ZMIZ1: variants seen among roughly 807,000 people sequenced by gnomAD.
The protein encoded by ZMIZ1 is zinc finger MIZ-type containing 1.
ZMIZ1 carries 17 observed loss-of-function variants against 113.9 expected under a neutral mutation model. That is an observed-to-expected ratio of 0.15 (90% CI 0.10 to 0.22). ZMIZ1 has a LOEUF of 0.22. ZMIZ1 is among the 10% of genes least tolerant of loss of function. The pLI, the probability that ZMIZ1 is intolerant of heterozygous loss-of-function variation, is 1.00. For missense variants in ZMIZ1, 1,059 were observed against 1,477.8 expected (o/e 0.72, Z 4.65); for synonymous variants, 607 against 603.1 (o/e 1.01, Z -0.09).
At chr10:79,309,358 G>A (rs1220389584) in intron 23 of ZMIZ1, among the ~76,000 whole-genome samples, 5 of 152,222 alleles carry the variant, frequency 3.3e-5, no homozygotes, top group Non-Finnish European at 7.3e-5. Flanking sequence ...CACAGCTGGA[G>A]TGTGGAGCCC....
At position 79,309,582 on chromosome 10, in the gene ZMIZ1, G is replaced by A. The variant is rs1350194552; in HGVS notation, c.2836-1342G>A. Among the ~76,000 whole-genome samples, 3 of 152,212 alleles carry A rather than the reference G, an allele frequency of 2.0e-5. No homozygotes were observed. In the South Asian group the frequency reaches 6.2e-4, roughly 31 times the overall value. On this transcript the variant is annotated intron_variant, in intron 23 of 24. Transcript: ENST00000334512. ...CACTGTGCTCCCTAAGGCCGCATGG[G>A]GTTGGGGCCCTACACCCTGAGAAGG...
intron 2 of ZMIZ1, among the ~76,000 whole-genome samples, chr10:79,123,192 C>T (rs1040502106): frequency 6.6e-6 from 1 of 152,178 alleles, no homozygotes; most frequent in Admixed American, 6.5e-5. Flanking sequence ...TTCCATATGG[C>T]TGGCACTTCA....
intron 8 of ZMIZ1, among the ~76,000 whole-genome samples, chr10:79,282,673 G>T (rs1852815074): frequency 6.6e-6 from 1 of 152,230 alleles, no homozygotes. Context: ...CTGCTGATGG[G>T]GGACATGGTG....
At chr10:79,167,652 G>T (rs1846414513) in intron 4 of ZMIZ1, among the ~76,000 whole-genome samples, 1 of 152,176 alleles carries the variant, frequency 6.6e-6, no homozygotes, top group South Asian at 2.1e-4. Context: ...TTCAGTGCTT[G>T]AGGCTGCCCT....
At chr10:79,137,915 T>C (rs980628415) in intron 2 of ZMIZ1, among the ~76,000 whole-genome samples, 1 of 152,012 alleles carries the variant, frequency 6.6e-6, no homozygotes, top group Non-Finnish European at 1.5e-5. Flanking sequence ...GACAGGGACA[T>C]TTATAACTCA....
intron 8 of ZMIZ1, among the ~76,000 whole-genome samples, chr10:79,280,089 G>A (rs1235886418): frequency 6.6e-6 from 1 of 151,600 alleles, no homozygotes; most frequent in Non-Finnish European, 1.5e-5. Context: ...CTGGGCTCAA[G>A]TGATCCTCCC....
chr10:79,242,684 C>A (rs1462165515), intron 7 of ZMIZ1, among the ~76,000 whole-genome samples: 11 of 152,008 alleles, frequency 7.2e-5, no homozygotes. Flanking sequence ...CGAAGTCATC[C>A]ACCGCCAGCG....
chr10:79,292,665 C>A, intron 11 of ZMIZ1: 1 of 493,212 alleles, frequency 2.0e-6, no homozygotes, highest in Non-Finnish European at 3.9e-6. Flanking sequence ...TCTCTGGGCC[C>A]CCAACTCACC....
intron 1 of ZMIZ1, among the ~76,000 whole-genome samples, chr10:79,085,964 C>A (rs1842800500): frequency 6.6e-6 from 1 of 152,172 alleles, no homozygotes; most frequent in African/African-American, 2.4e-5. Flanking sequence ...CCATCTCTGC[C>A]ACTCATCAGC....
intron 16 of ZMIZ1, among the ~76,000 whole-genome samples, chr10:79,300,293 G>A (rs1564598389): frequency 6.6e-6 from 1 of 152,188 alleles, no homozygotes; most frequent in African/African-American, 2.4e-5. Flanking sequence ...TCCTTGGGGG[G>A]CCTCCTTGGG....
intron 1 of ZMIZ1, among the ~76,000 whole-genome samples, chr10:79,117,834 G>A (rs556331570): frequency 1.3e-5 from 2 of 152,328 alleles, no homozygotes; most frequent in Admixed American, 1.3e-4. Flanking sequence ...TGCCCGCCCT[G>A]AGCCTCAGGC....
At chr10:79,125,523 T>G (rs916315927) in intron 2 of ZMIZ1, among the ~76,000 whole-genome samples, 2 of 152,200 alleles carry the variant, frequency 1.3e-5, no homozygotes, top group African/African-American at 2.4e-5. Context: ...CGCTTCTCCC[T>G]CCCACTGATG....
intron 9 of ZMIZ1, chr10:79,290,643 A>G: frequency 3.6e-6 from 2 of 549,896 alleles, no homozygotes; most frequent in Non-Finnish European, 7.0e-6. Context: ...TACCTGGTAC[A>G]AGAGCAGCCT....
At chr10:79,231,326 C>T (rs1009227184) in intron 7 of ZMIZ1, among the ~76,000 whole-genome samples, 2 of 152,226 alleles carry the variant, frequency 1.3e-5, no homozygotes, top group Non-Finnish European at 2.9e-5. Flanking sequence ...CAGCTCACTG[C>T]AACCTCTGCC....
rs527564288 is a variant in ZMIZ1, at chr10:79,296,900, G to A, written c.1413+247G>A. 78 of 389,988 alleles carry A rather than the reference G, an allele frequency of 2.0e-4. No homozygotes were observed. Among genetic ancestry groups the A allele is most frequent in the African/African-American group, 1.5e-3 (70 of 47,834 alleles). The allele number at this position is 389,988 out of a possible 1,614,324, so 24.2% of individuals were successfully genotyped here. A position where few individuals can be genotyped will look rare whatever the true frequency, so the allele number is the denominator to read the frequency against. ...TTTTTTTTCTCCTTTTCTTATTCACGGCACTCACAAAATAATAAAGGAAAT... is the reference window on the plus strand; with the variant it reads ...TTTTTTTTCTCCTTTTCTTATTCACAGCACTCACAAAATAATAAAGGAAAT... On this transcript the variant is annotated intron_variant, in intron 13 of 24. Coordinates refer to ENST00000334512, the MANE Select transcript of ZMIZ1 (RefSeq NM_020338.4). This position sits in a 1 kb window ranked among gnomAD's most constrained non-coding sequence, Gnocchi z 4.1.
At position 79,189,324 on chromosome 10, in the gene ZMIZ1, T is replaced by G. The variant is rs1402191358; in HGVS notation, c.-49-12260T>G. Among the ~76,000 whole-genome samples the G allele has an allele frequency of 3.9e-5, 6 of 152,256 alleles. No individual in the cohort carries two copies. The East Asian group carries it at 5.8e-4, about 15-fold the overall frequency. On this transcript the variant is annotated intron_variant, in intron 4 of 24. Transcript: ENST00000334512. Reference sequence around the variant, plus strand: ...CCAGAGGGCCTGTAGAGTGGTGGTGTTTAACTCTGTCACGCAGGCACCCAA... The same window carrying G: ...CCAGAGGGCCTGTAGAGTGGTGGTGGTTAACTCTGTCACGCAGGCACCCAA...
At chr10:79,300,601 G>A (rs1399485790) in intron 16 of ZMIZ1, 131 bp from the exon 17 acceptor site, 49 of 1,144,408 alleles carry the variant, frequency 4.3e-5, no homozygotes, top group Non-Finnish European at 5.7e-5. Context: ...GAATCATTGG[G>A]GTCAGGGATG....
Position 79,314,247 on chromosome 10 carries a change from G to A in ZMIZ1, c.*1498G>A. 2.2e-6 allele frequency: 1 copy of A among 457,000 alleles called. No homozygotes were observed. Among genetic ancestry groups the A allele is most frequent in the Non-Finnish European group, 4.4e-6 (1 of 226,994 alleles). 28.3% of individuals were successfully genotyped at this position (457,000 alleles called of 1,614,324 possible). A position where few individuals can be genotyped will look rare whatever the true frequency, so the allele number is the denominator to read the frequency against. On this transcript the variant is annotated 3_prime_UTR_variant, in exon 25 of 25. Transcript: ENST00000334512. ...CTGGTCTGTGCCCCGTGAGCCACATGGCCTAGGGTGATGCCAGGTTGTCCC... is the reference window on the plus strand; with the variant it reads ...CTGGTCTGTGCCCCGTGAGCCACATAGCCTAGGGTGATGCCAGGTTGTCCC...
chr10:79,302,677 C>T (rs1589604346), intron 18 of ZMIZ1, among the ~76,000 whole-genome samples: 3 of 111,892 alleles, frequency 2.7e-5, no homozygotes, highest in Admixed American at 9.6e-5. Context: ...TTCAACAGCT[C>T]ATGCTTTTTT....
Sources: allele counts gnomAD v4.1 joint callset (sites outside exome capture counted in the v4.1 genomes callset), GRCh38; gene constraint gnomAD v4.1.1; non-coding constraint Gnocchi (gnomAD v3.1); transcripts MANE v1.5; gene names NCBI Gene and HGNC (gene_info 2026-07-23, HGNC 2026-07-21).